TANC2: variants seen among roughly 807,000 people sequenced by gnomAD.
TANC2 encodes the protein tetratricopeptide repeat, ankyrin repeat and coiled-coil containing 2, also known as protein TANC2.
Under a neutral mutation model 210.5 loss-of-function variants are expected in TANC2, and 26 were observed. The observed-to-expected ratio is 0.12, with a 90% confidence interval of 0.09 to 0.17. TANC2 has a LOEUF of 0.17. Ranked by LOEUF, TANC2 falls within the 10% of genes least tolerant of loss-of-function variation. The probability of loss-of-function intolerance (pLI) is 1.00; values close to 1 mark genes in which losing one functional copy is unlikely to be tolerated. For missense variants in TANC2, 2,129 were observed against 2,608.9 expected (o/e 0.82, Z 4.01); for synonymous variants, 931 against 967.1 (o/e 0.96, Z 0.69).
rs1171356059 is a variant in TANC2 at position 63,005,898 on chromosome 17, G to GTT, written c.-23-3638_-23-3637insTT. Reference sequence around the variant, plus strand: ...GTGAAACCACCTGGCTGTATAGTTTGTGTGTGTGTGTGTGTGTGTGTGTGT... The same window carrying GTT: ...GTGAAACCACCTGGCTGTATAGTTTGTTTGTGTGTGTGTGTGTGTGTGTGTGT... On this transcript the variant is annotated intron_variant, in intron 1 of 27. Transcript: ENST00000689528. 7.5e-3 allele frequency among the ~76,000 whole-genome samples: 205 copies of GTT among 27,384 alleles called. 3 individuals are homozygous for GTT. Among genetic ancestry groups the GTT allele is most frequent in the Middle Eastern group, 0.019 (1 of 52 alleles). The allele number at this position is 27,384 out of a possible 152,430, so 18.0% of individuals were successfully genotyped here.
In TANC2 at chr17:63,154,708, C is replaced by T. The variant is rs540036222; in HGVS notation, c.433+3328C>T. The T allele has an allele frequency of 3.9e-5, 6 of 152,088 alleles. No homozygotes were observed. In the South Asian group the frequency reaches 6.2e-4, roughly 16 times the overall value. 9.4% of individuals were successfully genotyped at this position (152,088 alleles called of 1,614,324 possible). ...TTTTATTATTTTTGCAGTGATGATC[C>T]TAAGGTATAAGACAAGGTCTTAATC... On this transcript the variant is annotated intron_variant, in intron 5 of 27. Transcript: ENST00000689528.
chr17:63,350,191 C>T (rs772936503), intron 12 of TANC2, among the ~76,000 whole-genome samples: 18 of 152,028 alleles, frequency 1.2e-4, no homozygotes, highest in Non-Finnish European at 2.2e-4. Flanking sequence ...CAAAAATAGC[C>T]AATTTTGTAT....
chr17:63,348,495 A>G (rs2046488420), intron 12 of TANC2, among the ~76,000 whole-genome samples: 1 of 152,216 alleles, frequency 6.6e-6, no homozygotes, highest in South Asian at 2.1e-4. Context: ...TAAAGTTTTT[A>G]GTTAGTCCAT....
intron 8 of TANC2, 92 bp downstream of exon 8, chr17:63,238,169 A>G (rs557524378): frequency 3.6e-6 from 5 of 1,394,494 alleles, no homozygotes; most frequent in Middle Eastern, 1.9e-4. Context: ...CTGCTCTGAC[A>G]GTATTTAAAT....
intron 3 of TANC2, among the ~76,000 whole-genome samples, chr17:63,081,662 G>C (rs1455148868): frequency 6.6e-6 from 1 of 152,030 alleles, no homozygotes; most frequent in African/African-American, 2.4e-5. Context: ...CCGCATATAT[G>C]AGTGTTCAGA....
intron 14 of TANC2, among the ~76,000 whole-genome samples, chr17:63,364,009 T>C (rs999917867): frequency 6.6e-6 from 1 of 152,228 alleles, no homozygotes; most frequent in Non-Finnish European, 1.5e-5. Flanking sequence ...AGATATTTCA[T>C]TGACCTGTAA....
chr17:63,146,353 T>A (rs2039463058), intron 4 of TANC2, among the ~76,000 whole-genome samples: 1 of 152,126 alleles, frequency 6.6e-6, no homozygotes, highest in African/African-American at 2.4e-5. Context: ...AAACAGATAA[T>A]TTTACTTCTT....
At chr17:63,235,318 C>T (rs945069261) in intron 7 of TANC2, among the ~76,000 whole-genome samples, 1 of 152,008 alleles carries the variant, frequency 6.6e-6, no homozygotes, top group Admixed American at 6.6e-5. Context: ...CATAGGTTGT[C>T]TATTTTTTAA....
At chr17:62,978,715 T>G (rs1415057748) in intron 1 of TANC2, 1 of 152,202 alleles carries the variant, frequency 6.6e-6, no homozygotes, top group East Asian at 1.9e-4. Flanking sequence ...GCCTGAATCT[T>G]TTCGAGGACT....
intron 3 of TANC2, among the ~76,000 whole-genome samples, chr17:63,096,126 A>G (rs1054922138): frequency 1.1e-4 from 17 of 152,282 alleles, no homozygotes; most frequent in Admixed American, 7.9e-4. Context: ...AAATACTGCA[A>G]TTTCATATGA....
intron 19 of TANC2, among the ~76,000 whole-genome samples, chr17:63,402,981 C>G (rs1033017492): frequency 6.6e-6 from 1 of 152,206 alleles, no homozygotes; most frequent in Non-Finnish European, 1.5e-5. Context: ...CCATGTCCAG[C>G]TATCAGCTGA....
chr17:62,990,699 G>A (rs2032816950), intron 1 of TANC2, among the ~76,000 whole-genome samples: 1 of 152,188 alleles, frequency 6.6e-6, no homozygotes, highest in African/African-American at 2.4e-5. Flanking sequence ...GTGAATGAGT[G>A]GGAGTGGGAT....
intron 2 of TANC2, among the ~76,000 whole-genome samples, chr17:63,012,954 C>G (rs2033938040): frequency 6.6e-6 from 1 of 152,106 alleles, no homozygotes; most frequent in South Asian, 2.1e-4. Context: ...CATACCTGGC[C>G]AAGAAGACTC....
intron 4 of TANC2, among the ~76,000 whole-genome samples, chr17:63,146,875 A>C (rs1318081279): frequency 6.6e-6 from 1 of 152,128 alleles, no homozygotes; most frequent in Non-Finnish European, 1.5e-5. Flanking sequence ...CCTGCCTCCC[A>C]GGTGATCATG....
chr17:63,062,085 T>C (rs1299002717), intron 2 of TANC2, among the ~76,000 whole-genome samples: 1 of 152,318 alleles, frequency 6.6e-6, no homozygotes, highest in South Asian at 2.1e-4. Flanking sequence ...TAATTTTTTT[T>C]AATAAGCCTT....
At chr17:63,249,539 A>T (rs1301919012) in intron 8 of TANC2, among the ~76,000 whole-genome samples, 1 of 152,206 alleles carries the variant, frequency 6.6e-6, no homozygotes, top group African/African-American at 2.4e-5. Context: ...TATCAAGGAA[A>T]CATACAAACA....
chr17:63,409,675 G>A (rs2048629363), intron 21 of TANC2, among the ~76,000 whole-genome samples: 1 of 152,102 alleles, frequency 6.6e-6, no homozygotes, highest in Non-Finnish European at 1.5e-5. Flanking sequence ...AGGCTGTATA[G>A]TATAGCCTGG....
At chr17:63,058,934 T>C (rs2035899878) in intron 2 of TANC2, among the ~76,000 whole-genome samples, 2 of 152,176 alleles carry the variant, frequency 1.3e-5, no homozygotes, top group Non-Finnish European at 2.9e-5. Flanking sequence ...CTTTTTGGGT[T>C]TCATATCAAT....
intron 5 of TANC2, among the ~76,000 whole-genome samples, chr17:63,176,061 C>G (rs563518278): frequency 6.6e-6 from 1 of 152,082 alleles, no homozygotes; most frequent in Non-Finnish European, 1.5e-5. Flanking sequence ...CAAGTGTTGG[C>G]GAGAATATGG....
Sources: allele counts gnomAD v4.1 joint callset (sites outside exome capture counted in the v4.1 genomes callset), GRCh38; gene constraint gnomAD v4.1.1; transcripts MANE v1.5; gene names NCBI Gene and HGNC (gene_info 2026-07-23, HGNC 2026-07-21).